Variants in SGCZ observed in about 807,000 individuals in gnomAD.
SGCZ encodes the protein zeta-sarcoglycan.
In SGCZ, 40 loss-of-function variants were observed where a neutral mutation model predicts 41.3. The observed-to-expected ratio is 0.97, with a 90% CI of 0.75 to 1.26. The LOEUF (loss-of-function observed/expected upper bound fraction) is 1.26. Among genes scored for constraint, SGCZ ranks in the 50% most tolerant of loss-of-function variants. The pLI is 0.00. For missense variants in SGCZ, 552 were observed against 369.8 expected (o/e 1.49, Z -4.04); for synonymous variants, 206 against 137.5 (o/e 1.50, Z -3.49).
At chr8:14,325,463 T>TTA (rs940647485) in intron 2 of SGCZ, among the ~76,000 whole-genome samples, 20 of 147,976 alleles carry the variant, frequency 1.4e-4, no homozygotes, top group Non-Finnish European at 1.8e-4. Context: ...GTAAAATTGG[T>TTA]TATATATATA....
chr8:14,260,893 A>G (rs546719562), intron 3 of SGCZ, among the ~76,000 whole-genome samples: 3 of 152,160 alleles, frequency 2.0e-5, no homozygotes, highest in Non-Finnish European at 4.4e-5. Flanking sequence ...TGGGAATTGA[A>G]CAATGAGATC....
rs183007582 is a variant in SGCZ at position 15,238,029 on chromosome 8, A to G, written c.-406T>C. 1.5e-3 allele frequency: 243 copies of G among 166,310 alleles called. No individual in the cohort carries two copies. The highest frequency in any genetic ancestry group is 2.0e-3 in the Non-Finnish European group (155 of 76,544). 10.3% of individuals were successfully genotyped at this position (166,310 alleles called of 1,614,324 possible). On this transcript the variant is annotated 5_prime_UTR_variant, in exon 1 of 8. Coordinates refer to ENST00000382080, the MANE Select transcript of SGCZ (RefSeq NM_139167.4). ...TTCCCTGGTCAGCATCATGCGGCAAATTTCAAGCAAATGTGTTCAAACTGA... is the reference window on the plus strand; with the variant it reads ...TTCCCTGGTCAGCATCATGCGGCAAGTTTCAAGCAAATGTGTTCAAACTGA...
chr8:14,978,470 C>CAAAAAAAAAAAAAAAAA (rs59543494), intron 1 of SGCZ, among the ~76,000 whole-genome samples: 2 of 62,824 alleles, frequency 3.2e-5, no homozygotes, highest in African/African-American at 1.7e-4. Context: ...GACACCGTCA[C>CAAAAAAAAAAAAAAAAA]AAAAAAAAAA....
At chr8:14,769,387 G>T (rs895984588) in intron 1 of SGCZ, among the ~76,000 whole-genome samples, 2 of 152,092 alleles carry the variant, frequency 1.3e-5, no homozygotes, top group Non-Finnish European at 2.9e-5. Context: ...GAATAATGAG[G>T]ACAGAACTTT....
intron 1 of SGCZ, among the ~76,000 whole-genome samples, chr8:14,916,989 A>G (rs977671544): frequency 6.6e-6 from 1 of 152,160 alleles, no homozygotes; most frequent in Non-Finnish European, 1.5e-5. Flanking sequence ...TATGAATATG[A>G]CTTTGTATAA....
intron 2 of SGCZ, among the ~76,000 whole-genome samples, chr8:14,542,490 T>G (rs552744068): frequency 6.6e-6 from 1 of 152,178 alleles, no homozygotes; most frequent in South Asian, 2.1e-4. Flanking sequence ...TTAACTAAAT[T>G]TTCTATCCTG....
At chr8:14,376,412 T>TA (rs1265340834) in intron 2 of SGCZ, among the ~76,000 whole-genome samples, 1 of 152,182 alleles carries the variant, frequency 6.6e-6, no homozygotes, top group Non-Finnish European at 1.5e-5. Flanking sequence ...TTGAACACTG[T>TA]ATGCAGAGAG....
intron 3 of SGCZ, among the ~76,000 whole-genome samples, chr8:14,306,690 G>GA (rs111924929): frequency 0.25 from 37,418 of 151,856 alleles, 4,809 homozygotes; most frequent in South Asian, 0.33. Context: ...GAATTAAGAA[G>GA]AAAAAATAAG....
chr8:14,298,413 G>A (rs914324669), intron 3 of SGCZ, among the ~76,000 whole-genome samples: 1 of 151,824 alleles, frequency 6.6e-6, no homozygotes, highest in South Asian at 2.1e-4. Flanking sequence ...TATTTCATTT[G>A]TAGACAAGAT....
chr8:14,656,235 C>G (rs904253646), intron 1 of SGCZ, among the ~76,000 whole-genome samples: 9 of 151,768 alleles, frequency 5.9e-5, no homozygotes, highest in South Asian at 2.1e-4. Flanking sequence ...TAAAGTGTTT[C>G]CACATCCTCA....
chr8:15,012,705 A>G (rs1802884098), intron 1 of SGCZ, among the ~76,000 whole-genome samples: 1 of 144,146 alleles, frequency 6.9e-6, no homozygotes, highest in East Asian at 2.0e-4. Flanking sequence ...AATATTTTAT[A>G]TAAATGTTAT....
chr8:14,718,061 T>C (rs1228758555), intron 1 of SGCZ, among the ~76,000 whole-genome samples: 1 of 150,998 alleles, frequency 6.6e-6, no homozygotes, highest in East Asian at 1.9e-4. Context: ...TTTCCTATTT[T>C]TCTTATCTTT....
intron 2 of SGCZ, among the ~76,000 whole-genome samples, chr8:14,472,302 A>G (rs977931690): frequency 2.6e-5 from 4 of 152,088 alleles, no homozygotes; most frequent in Non-Finnish European, 5.9e-5. Flanking sequence ...CTTATATTTT[A>G]TTTAAGAAAG....
At chr8:14,111,633 C>G (rs1275834177) in intron 5 of SGCZ, among the ~76,000 whole-genome samples, 1 of 152,158 alleles carries the variant, frequency 6.6e-6, no homozygotes, top group Admixed American at 6.6e-5. Context: ...ATAATTTAAA[C>G]TCACTACAAT....
At chr8:14,516,635 T>A (rs995696669) in intron 2 of SGCZ, among the ~76,000 whole-genome samples, 1 of 152,114 alleles carries the variant, frequency 6.6e-6, no homozygotes, top group African/African-American at 2.4e-5. Context: ...ATTTGTTTGG[T>A]ACTATTCCTA....
chr8:15,052,476 G>T (rs1374378121), intron 1 of SGCZ, among the ~76,000 whole-genome samples: 1 of 152,104 alleles, frequency 6.6e-6, no homozygotes, highest in African/African-American at 2.4e-5. Flanking sequence ...GGAGTAGAGG[G>T]GGATCTGTGC....
chr8:14,802,799 C>A (rs781076019), intron 1 of SGCZ, among the ~76,000 whole-genome samples: 1 of 152,058 alleles, frequency 6.6e-6, no homozygotes, highest in Non-Finnish European at 1.5e-5. Flanking sequence ...TAAAGAGGAG[C>A]GAATGTTCCA....
chr8:15,024,957 A>AATAAATAAATAC (rs1358499601), intron 1 of SGCZ, among the ~76,000 whole-genome samples: 1 of 151,066 alleles, frequency 6.6e-6, no homozygotes, highest in East Asian at 1.9e-4. Context: ...TAAATAAATA[A>AATAAATAAATAC]ATAAATAAAT....
chr8:14,663,427 A>T (rs1329738637), intron 1 of SGCZ, among the ~76,000 whole-genome samples: 1 of 152,174 alleles, frequency 6.6e-6, no homozygotes, highest in African/African-American at 2.4e-5. Flanking sequence ...AATTATGTCC[A>T]GGTGATATCT....
Sources: gnomAD v4.1 joint callset for allele counts (sites outside exome capture counted in the v4.1 genomes callset) on GRCh38, gnomAD v4.1.1 for gene constraint, MANE v1.5 for transcripts, NCBI Gene and HGNC (gene_info 2026-07-23, HGNC 2026-07-21) for gene names.